Variants in OAF observed in about 807,000 individuals in gnomAD.
OAF encodes out at first protein homolog.
A neutral mutation model predicts 22.5 loss-of-function variants in OAF; 13 were observed. The ratio of observed to expected loss-of-function variants is 0.58; its 90% confidence interval spans 0.38 to 0.92. OAF has a LOEUF of 0.92. Among genes scored for constraint, OAF ranks in the 40% least tolerant of loss-of-function variants. The pLI is 0.00. For synonymous variants in OAF, 175 were observed against 170.5 expected, an observed-to-expected ratio of 1.03 and a Z score of -0.21; for missense variants, 347 against 381.8, an observed-to-expected ratio of 0.91 and a Z score of 0.76.
intron 1 of OAF, among the ~76,000 whole-genome samples, chr11:120,224,580 C>T (rs1311179176): frequency 2.6e-5 from 4 of 152,138 alleles, no homozygotes; most frequent in South Asian, 2.1e-4. Context: ...CTTCTGTTCT[C>T]GCGGGTGTAC....
In OAF at chr11:120,225,401, G is replaced by A. The variant is rs930346983; in HGVS notation, c.232-260G>A. ...CAGGGTGACGTTAAGGGGTTCTGCC[G>A]AGAGGAATCATCAGCTGGGAAAAAC... On this transcript the variant is annotated intron_variant, in intron 1 of 3. Transcript: ENST00000328965. Among the ~76,000 whole-genome samples, 8 of 152,164 alleles carry A rather than the reference G, an allele frequency of 5.3e-5. No individual in the cohort carries two copies. In the South Asian group the frequency reaches 6.2e-4, roughly 12 times the overall value.
At chr11:120,216,478 C>T (rs1400018089) in intron 1 of OAF, among the ~76,000 whole-genome samples, 1 of 152,162 alleles carries the variant, frequency 6.6e-6, no homozygotes, top group Non-Finnish European at 1.5e-5. Flanking sequence ...CAGAGCATTT[C>T]CTCACAGGTA....
chr11:120,216,177 C>CG (rs1160765578), intron 1 of OAF, among the ~76,000 whole-genome samples: 1 of 152,072 alleles, frequency 6.6e-6, no homozygotes, highest in Non-Finnish European at 1.5e-5. Flanking sequence ...GCCCCTGTGC[C>CG]GGGGGGCCTG....
At position 120,228,971 on chromosome 11, in the gene OAF, C is replaced by G; in HGVS notation, c.651C>G (p.Arg217=). 1 of 1,613,198 alleles carries G rather than the reference C, an allele frequency of 6.2e-7. No homozygotes were observed. The highest frequency in any genetic ancestry group is 8.5e-7 in the Non-Finnish European group (1 of 1,179,972). The change falls in exon 4 of 4, where the codon CGC becomes CGG. Residue 217 remains arginine (R), a synonymous_variant. Coordinates refer to ENST00000328965, the MANE Select transcript of OAF (RefSeq NM_178507.4). ...VGDHGKPCVC[R]YGLSLAWYPC... The stretch of plus-strand genomic sequence containing the variant: ...ACCACGGGAAGCCCTGCGTCTGCCG[C>G]TATGGCCTGAGCCTGGCCTGGTACC...
rs988775829 is a variant in OAF at position 120,230,010 on chromosome 11, A to C, written c.*868A>C. On this transcript the variant is annotated 3_prime_UTR_variant, in exon 4 of 4. Transcript: ENST00000328965. ...CCACCTGATGTCAGAAAGTGTCCCC[A>C]CACCCTAGCAGTGGCCTATCTTGGA... 9.2e-5 allele frequency: 14 copies of C among 152,396 alleles called. 1 individual carries two copies. The highest frequency in any genetic ancestry group is 8.5e-4 in the Admixed American group (13 of 15,308). The allele number at this position is 152,396 out of a possible 1,614,324, so 9.4% of individuals were successfully genotyped here. A position where few individuals can be genotyped will look rare whatever the true frequency, so the allele number is the denominator to read the frequency against.
At position 120,229,368 on chromosome 11, in the gene OAF, C is replaced by CCTCTTTT; in HGVS notation, c.*226_*227insCTCTTTT. 1 of 333,902 alleles carries CCTCTTTT rather than the reference C, an allele frequency of 3.0e-6. No homozygotes were observed. Among genetic ancestry groups the CCTCTTTT allele is most frequent in the Non-Finnish European group, 5.1e-6 (1 of 194,308 alleles). The allele number at this position is 333,902 out of a possible 1,614,324, so 20.7% of individuals were successfully genotyped here. Reference sequence around the variant, plus strand: ...TCCCACCCTGTGCCTTCCTTGCGGGCAGAGAGGGAGAGAAGGGCTCCCCAG... The same window carrying CCTCTTTT: ...TCCCACCCTGTGCCTTCCTTGCGGGCCTCTTTTAGAGAGGGAGAGAAGGGCTCCCCAG... On this transcript the variant is annotated 3_prime_UTR_variant, in exon 4 of 4. Transcript: ENST00000328965.
Position 120,229,082 on chromosome 11 carries a change from C to G in OAF, c.762C>G (p.Phe254Leu). The change falls in exon 4 of 4, where the codon TTC becomes TTG. Residue 254 changes from phenylalanine to leucine, a missense_variant. By Grantham distance (22) the Phe-to-Leu change is conservative (BLOSUM62 0). Coordinates refer to ENST00000328965, the MANE Select transcript of OAF (RefSeq NM_178507.4). ...GIRSCQKSYS[F>L]DFYVPQRQLC... ...GCAGCTGCCAGAAGAGCTACAGCTT[C>G]GACTTCTACGTGCCCCAGAGGCAGC... The G allele has an allele frequency of 6.2e-7, 1 of 1,613,584 alleles. No homozygotes were observed. The highest frequency in any genetic ancestry group is 8.5e-7 in the Non-Finnish European group (1 of 1,179,940).
In OAF at chr11:120,229,369, A is replaced by ATTTTAAT; in HGVS notation, c.*227_*228insTTTTAAT. On this transcript the variant is annotated 3_prime_UTR_variant, in exon 4 of 4. Transcript: ENST00000328965. ...CCCACCCTGTGCCTTCCTTGCGGGC[A>ATTTTAAT]GAGAGGGAGAGAAGGGCTCCCCAGA... The ATTTTAAT allele has an allele frequency of 3.2e-6, 1 of 308,030 alleles. No homozygotes were observed. The highest frequency in any genetic ancestry group is 5.5e-6 in the Non-Finnish European group (1 of 180,854). The allele number at this position is 308,030 out of a possible 1,614,324, so 19.1% of individuals were successfully genotyped here.
chr11:120,220,911 ATAG>A, intron 1 of OAF, among the ~76,000 whole-genome samples: 1 of 152,206 alleles, frequency 6.6e-6, no homozygotes, highest in East Asian at 1.9e-4. Flanking sequence ...CACTCGGGTG[ATAG>A]TAGCATGGAG....
chr11:120,212,644 G>A (rs564459076), intron 1 of OAF, among the ~76,000 whole-genome samples: 111 of 151,284 alleles, frequency 7.3e-4, no homozygotes, highest in Non-Finnish European at 1.4e-3. Flanking sequence ...GAGACAGGGC[G>A]CTTTAGAGGA....
chr11:120,217,834 T>C (rs1183559840), intron 1 of OAF, among the ~76,000 whole-genome samples: 1 of 152,206 alleles, frequency 6.6e-6, no homozygotes, highest in Non-Finnish European at 1.5e-5. Context: ...GATGTCCGTC[T>C]ACCCCACCGT....
intron 1 of OAF, among the ~76,000 whole-genome samples, chr11:120,219,255 T>C (rs1158743119): frequency 6.6e-6 from 1 of 152,048 alleles, no homozygotes; most frequent in Non-Finnish European, 1.5e-5. Context: ...CAGGAGCCAC[T>C]GGGAGACCTT....
chr11:120,211,884 G>C (rs1462919020), intron 1 of OAF, among the ~76,000 whole-genome samples: 1 of 145,794 alleles, frequency 6.9e-6, no homozygotes. Flanking sequence ...CTCCCTGTGT[G>C]ATCTAGAGCA....
At chr11:120,225,570 CA>C in intron 1 of OAF, 90 bp from the exon 2 acceptor site, 1 of 1,167,586 alleles carries the variant, frequency 8.6e-7, no homozygotes, top group Middle Eastern at 2.4e-4. Flanking sequence ...AGTGTCCAGG[CA>C]TCCTGTTCAG....
chr11:120,229,194 C>A lies in OAF; in HGVS notation c.*52C>A. ...CTCTGGGCCCACTGCTCTTCACCAGCCACTAGAGGGGGTGGCAACCCCCAC... is the reference window on the plus strand; with the variant it reads ...CTCTGGGCCCACTGCTCTTCACCAGACACTAGAGGGGGTGGCAACCCCCAC... On this transcript the variant is annotated 3_prime_UTR_variant, in exon 4 of 4. Transcript: ENST00000328965. 1.9e-6 allele frequency: 3 copies of A among 1,551,700 alleles called. No homozygotes were observed. The highest frequency in any genetic ancestry group is 2.6e-6 in the Non-Finnish European group (3 of 1,134,810).
chr11:120,223,068 G>A (rs552582862), intron 1 of OAF, among the ~76,000 whole-genome samples: 5 of 152,370 alleles, frequency 3.3e-5, no homozygotes, highest in Admixed American at 2.0e-4. Context: ...AGGCAGGTGT[G>A]CTGACTTAAG....
chr11:120,223,457 T>C (rs1938308030), intron 1 of OAF, among the ~76,000 whole-genome samples: 3 of 152,158 alleles, frequency 2.0e-5, no homozygotes. Context: ...AGTTACAAAT[T>C]TCAGTAACTC....
intron 1 of OAF, among the ~76,000 whole-genome samples, chr11:120,221,727 C>A (rs187041842): frequency 6.6e-6 from 1 of 152,186 alleles, no homozygotes; most frequent in Non-Finnish European, 1.5e-5. Context: ...AAACTACAGA[C>A]GAGGACCCTA....
At chr11:120,221,939 A>G (rs910956065) in intron 1 of OAF, among the ~76,000 whole-genome samples, 1 of 152,146 alleles carries the variant, frequency 6.6e-6, no homozygotes, top group African/African-American at 2.4e-5. Flanking sequence ...TCCCTGTTGT[A>G]GGCTCTTCCC....
Sources: allele counts gnomAD v4.1 joint callset (sites outside exome capture counted in the v4.1 genomes callset), GRCh38; gene constraint gnomAD v4.1.1; transcripts MANE v1.5; gene names NCBI Gene and HGNC (gene_info 2026-07-23, HGNC 2026-07-21).